DPYSL3: variants seen among roughly 807,000 people sequenced by gnomAD.
DPYSL3 encodes dihydropyrimidinase like 3.
DPYSL3 carries 16 observed loss-of-function variants against 66.1 expected under a neutral mutation model. The observed-to-expected ratio is 0.24, with a 90% CI of 0.16 to 0.37. The LOEUF (loss-of-function observed/expected upper bound fraction) is 0.37. DPYSL3 is among the 10% of genes least tolerant of loss of function. The pLI is 1.00. For synonymous variants in DPYSL3, 338 were observed against 345.1 expected (o/e 0.98, Z 0.23); for missense variants, 738 against 916.2 (o/e 0.81, Z 2.51).
intron 1 of DPYSL3, among the ~76,000 whole-genome samples, chr5:147,457,741 G>C (rs1427455885): frequency 1.1e-4 from 16 of 152,224 alleles, no homozygotes; most frequent in Non-Finnish European, 4.4e-5. Context: ...TGAGGCAGGA[G>C]AGAAGTAGGT....
chr5:147,456,511 C>T (rs1184102529), intron 1 of DPYSL3, among the ~76,000 whole-genome samples: 1 of 151,924 alleles, frequency 6.6e-6, no homozygotes, highest in Admixed American at 6.6e-5. Context: ...TTGGCACCAT[C>T]CTTGATTTCT....
rs1757793995 is a variant in DPYSL3, at chr5:147,391,379, C to T, written c.*2656G>A. On this transcript the variant is annotated 3_prime_UTR_variant, in exon 14 of 14. Transcript: ENST00000343218. Reference sequence around the variant, plus strand: ...GTAACTGATTTAACAATTTCCCAAACACCCTTTCCACTACCCAAGCCCGTG... The same window carrying T: ...GTAACTGATTTAACAATTTCCCAAATACCCTTTCCACTACCCAAGCCCGTG... 1 of 152,630 alleles carries T rather than the reference C, an allele frequency of 6.6e-6. No individual in the cohort carries two copies. The highest frequency in any genetic ancestry group is 1.5e-5 in the Non-Finnish European group (1 of 68,052). The allele number at this position is 152,630 out of a possible 1,614,324, so 9.5% of individuals were successfully genotyped here.
Position 147,394,069 on chromosome 5 carries a change from G to A in DPYSL3, c.2021C>T (p.Pro674Leu). 1 of 1,614,150 alleles carries A rather than the reference G, an allele frequency of 6.2e-7. No homozygotes were observed. Among genetic ancestry groups the A allele is most frequent in the Non-Finnish European group, 8.5e-7 (1 of 1,180,008 alleles). Residue 674 changes from proline (P) to leucine (L), a missense_variant, in exon 14 of 14, where the codon CCA becomes CTA. Coordinates refer to ENST00000343218, the MANE Select transcript of DPYSL3 (RefSeq NM_001197294.2). ...RSASKRIVAP[P>L]GGRSNITSLS Reference sequence around the variant, plus strand: ...AGATGTGATATTAGAACGGCCGCCTGGGGGCGCCACGATGCGCTTGCTGGC... The same window carrying A: ...AGATGTGATATTAGAACGGCCGCCTAGGGGCGCCACGATGCGCTTGCTGGC...
chr5:147,403,745 G>C (rs968599856), intron 8 of DPYSL3, among the ~76,000 whole-genome samples: 2 of 152,128 alleles, frequency 1.3e-5, no homozygotes, highest in African/African-American at 2.4e-5. Flanking sequence ...GTCTTGCAAA[G>C]AATGCTCTTG....
chr5:147,474,243 A>G (rs893845424), intron 1 of DPYSL3, among the ~76,000 whole-genome samples: 3 of 152,024 alleles, frequency 2.0e-5, no homozygotes, highest in Admixed American at 1.3e-4. Context: ...TTGTCCTCCC[A>G]TACACATAAT....
chr5:147,461,621 TAA>T (rs1216306018), intron 1 of DPYSL3, among the ~76,000 whole-genome samples: 1 of 152,152 alleles, frequency 6.6e-6, no homozygotes, highest in Non-Finnish European at 1.5e-5. Context: ...AATGCCACTG[TAA>T]AGTGGGAAGG....
At chr5:147,413,261 C>T (rs560127478) in intron 5 of DPYSL3, among the ~76,000 whole-genome samples, 1 of 152,296 alleles carries the variant, frequency 6.6e-6, no homozygotes, top group African/African-American at 2.4e-5. Context: ...GCAGAAGGCC[C>T]TCCTGGTCCT....
intron 1 of DPYSL3, among the ~76,000 whole-genome samples, chr5:147,440,379 G>C (rs1244808742): frequency 6.6e-6 from 1 of 152,188 alleles, no homozygotes; most frequent in Non-Finnish European, 1.5e-5. Flanking sequence ...TGGATTGATT[G>C]CATATTTATC....
chr5:147,405,519 T>G, intron 8 of DPYSL3, 91 bp downstream of exon 8: 1 of 1,468,526 alleles, frequency 6.8e-7, no homozygotes, highest in Non-Finnish European at 9.1e-7. Flanking sequence ...ATGAGCAAAG[T>G]AGGCACCATT....
intron 1 of DPYSL3, among the ~76,000 whole-genome samples, chr5:147,446,255 C>T (rs983353422): frequency 7.2e-5 from 11 of 152,156 alleles, no homozygotes; most frequent in Non-Finnish European, 1.3e-4. Flanking sequence ...TAAGGGTTTG[C>T]CCAAAGTGAC....
chr5:147,392,270 C>T lies in DPYSL3; in HGVS notation c.*1765G>A, dbSNP rs1581166031. 6.6e-6 allele frequency: 1 copy of T among 152,314 alleles called. No homozygotes were observed. The highest frequency in any genetic ancestry group is 1.9e-4 in the East Asian group (1 of 5,176). 9.4% of individuals were successfully genotyped at this position (152,314 alleles called of 1,614,324 possible). On this transcript the variant is annotated 3_prime_UTR_variant, in exon 14 of 14. Transcript: ENST00000343218. ...CTTTAAAATAGCAAGCTTCCCTATT[C>T]TAAGGGGAAATAGTCTTTTTTCATG...
At chr5:147,409,299 C>G (rs1283573338) in intron 6 of DPYSL3, among the ~76,000 whole-genome samples, 1 of 152,224 alleles carries the variant, frequency 6.6e-6, no homozygotes, top group Non-Finnish European at 1.5e-5. Context: ...TCATCACTTA[C>G]ATCAGAATTG....
Position 147,400,715 on chromosome 5 carries a change from A to G in DPYSL3, c.1429T>C (p.Ser477Pro). 6.2e-7 allele frequency: 1 copy of G among 1,614,102 alleles called. No homozygotes were observed. Among genetic ancestry groups the G allele is most frequent in the South Asian group, 1.1e-5 (1 of 91,038 alleles). ...EGTNGVEERM[S>P]VIWDKAVATG... ...ACCACAGCCTTGTCCCAGATGACAG[A>G]CATCCGCTCCTCCACACCATTGGTG... is the stretch of plus-strand genomic sequence containing the variant. The change falls in exon 10 of 14, where the codon TCT becomes CCT. Residue 477 changes from serine to proline, a missense_variant. By Grantham distance (74) the Ser-to-Pro change is moderately conservative. Coordinates refer to ENST00000343218, the MANE Select transcript of DPYSL3 (RefSeq NM_001197294.2).
At chr5:147,425,739 T>C (rs765666028) in intron 1 of DPYSL3, among the ~76,000 whole-genome samples, 10 of 152,168 alleles carry the variant, frequency 6.6e-5, no homozygotes, top group African/African-American at 9.7e-5. Context: ...ATTAACAAAG[T>C]TAATGAAGTT....
chr5:147,402,601 C>T (rs1758224605), intron 8 of DPYSL3, among the ~76,000 whole-genome samples: 1 of 135,888 alleles, frequency 7.4e-6, no homozygotes, highest in Admixed American at 6.9e-5. Context: ...CCCGCCTCGG[C>T]CTCCCAAAGT....
intron 1 of DPYSL3, among the ~76,000 whole-genome samples, chr5:147,458,642 A>G (rs1752887484): frequency 6.6e-6 from 1 of 152,184 alleles, no homozygotes; most frequent in African/African-American, 2.4e-5. Context: ...AGCAGTAAAG[A>G]TTCCCTTCAA....
intron 1 of DPYSL3, among the ~76,000 whole-genome samples, chr5:147,456,506 A>T (rs1423291783): frequency 2.0e-5 from 3 of 151,012 alleles, no homozygotes; most frequent in Non-Finnish European, 4.4e-5. Flanking sequence ...AAGGTTTGGC[A>T]CCATCCTTGA....
intron 1 of DPYSL3, among the ~76,000 whole-genome samples, chr5:147,427,428 T>C (rs1376868381): frequency 1.3e-5 from 2 of 152,178 alleles, no homozygotes; most frequent in East Asian, 3.8e-4. Context: ...CACAGGAGGT[T>C]GTATTATATC....
intron 1 of DPYSL3, among the ~76,000 whole-genome samples, chr5:147,497,611 C>G (rs1231451167): frequency 6.6e-6 from 1 of 151,724 alleles, no homozygotes; most frequent in Non-Finnish European, 1.5e-5. Context: ...TTACATTACA[C>G]ATAATATAAT....
Sources: allele counts gnomAD v4.1 joint callset (sites outside exome capture counted in the v4.1 genomes callset), GRCh38; gene constraint gnomAD v4.1.1; transcripts MANE v1.5; gene names NCBI Gene and HGNC (gene_info 2026-07-23, HGNC 2026-07-21).